The following NT5C2 variants were observed in gnomAD, a reference collection of about 807,000 sequenced individuals.
NT5C2 encodes the protein 5'-nucleotidase, cytosolic II.
A neutral mutation model predicts 76.1 loss-of-function variants in NT5C2; 58 were observed. The observed-to-expected ratio is 0.76, with a 90% CI of 0.62 to 0.95. The LOEUF is 0.95. Ranked by LOEUF, NT5C2 falls within the 40% of genes least tolerant of loss-of-function variation. The probability of loss-of-function intolerance (pLI) is 0.00; values close to 1 mark genes in which losing one functional copy is unlikely to be tolerated. For missense variants in NT5C2, 478 were observed against 690.3 expected (o/e 0.69, Z 3.45); for synonymous variants, 229 against 237.4 (o/e 0.96, Z 0.32).
At chr10:103,094,778 AG>A (rs1420187465) in intron 12 of NT5C2, among the ~76,000 whole-genome samples, 2 of 151,410 alleles carry the variant, frequency 1.3e-5, no homozygotes, top group Non-Finnish European at 2.9e-5. Context: ...GCTACTTGGG[AG>A]GCTGAGGCTC....
rs1247558433 is a variant in NT5C2 at position 103,089,740 on chromosome 10, C to T, written c.1618G>A (p.Ala540Thr). 6.2e-7 allele frequency: 1 copy of T among 1,613,562 alleles called. No individual in the cohort carries two copies. Among genetic ancestry groups the T allele is most frequent in the Non-Finnish European group, 8.5e-7 (1 of 1,179,834 alleles). The change falls in exon 19 of 19, where the codon GCC becomes ACC. Residue 540 changes from alanine (A) to threonine (T), a missense_variant. Coordinates refer to ENST00000404739, the MANE Select transcript of NT5C2 (RefSeq NM_001351169.2). ...TGGCAGTGTGTAATTTCCTGGGGGG[C>T]CAGTGGGAAGAGGTTGGGAGGTTTA... ...EIKPPNLFPL[A>T]PQEITHCHDE...
chr10:103,091,183 G>A (rs1026412257), intron 16 of NT5C2, among the ~76,000 whole-genome samples, 187 bp from the exon 17 acceptor site: 2 of 152,150 alleles, frequency 1.3e-5, no homozygotes, highest in Non-Finnish European at 1.5e-5. Flanking sequence ...TTACAGGCAT[G>A]TGCCACCACA....
chr10:103,093,249 C>T lies in NT5C2; in HGVS notation c.1049G>A (p.Gly350Glu). The T allele has an allele frequency of 6.2e-7, 1 of 1,611,290 alleles. No homozygotes were observed. Among genetic ancestry groups the T allele is most frequent in the South Asian group, 1.1e-5 (1 of 90,150 alleles). Residue 350 changes from glycine to glutamate, a missense_variant, in exon 15 of 19, where the codon GGA (glycine) becomes GAA (glutamate). Coordinates refer to ENST00000404739, the MANE Select transcript of NT5C2 (RefSeq NM_001351169.2). ...GAKGKDILYI[G>E]DHIFGDILKS... is the part of the protein sequence containing the mutation. ...TAAAATGTCCCCAAAAATGTGATCT[C>T]CAATATACAAAATGTCTTTTCCCTT... is the stretch of plus-strand genomic sequence containing the variant.
chr10:103,105,605 T>C, intron 6 of NT5C2, 101 bp downstream of exon 6: 2 of 828,286 alleles, frequency 2.4e-6, no homozygotes, highest in African/African-American at 1.7e-5. Flanking sequence ...TCTTTAATGA[T>C]GAAAAGTAAT....
At chr10:103,152,535 T>C (rs1329970378) in intron 3 of NT5C2, among the ~76,000 whole-genome samples, 1 of 152,156 alleles carries the variant, frequency 6.6e-6, no homozygotes, top group Non-Finnish European at 1.5e-5. Context: ...AGAAAGATAA[T>C]TAATAGATTC....
chr10:103,169,849 A>C (rs948285708), intron 3 of NT5C2, among the ~76,000 whole-genome samples: 1 of 151,828 alleles, frequency 6.6e-6, no homozygotes, highest in African/African-American at 2.4e-5. Flanking sequence ...AAGCATGGCT[A>C]GGCATGGTGG....
At chr10:103,163,711 A>T (rs909036001) in intron 3 of NT5C2, among the ~76,000 whole-genome samples, 3 of 66,256 alleles carry the variant, frequency 4.5e-5, no homozygotes, top group Admixed American at 2.7e-4. Flanking sequence ...CTAAAAACTT[A>T]AAAAAAAAAA....
At chr10:103,154,653 A>C (rs528712726) in intron 3 of NT5C2, among the ~76,000 whole-genome samples, 2 of 152,210 alleles carry the variant, frequency 1.3e-5, no homozygotes, top group Admixed American at 6.5e-5. Context: ...GTCACATGTA[A>C]GCGCTCCAAG....
chr10:103,193,012 C>A (rs1374228081), intron 1 of NT5C2, among the ~76,000 whole-genome samples: 1 of 149,576 alleles, frequency 6.7e-6, no homozygotes, highest in African/African-American at 2.5e-5. Flanking sequence ...TGCCGTGGGG[C>A]GGGGGCCGCA....
intron 4 of NT5C2, among the ~76,000 whole-genome samples, chr10:103,129,782 G>A (rs1319827927): frequency 9.1e-6 from 1 of 109,382 alleles, no homozygotes; most frequent in South Asian, 3.3e-4. Flanking sequence ...CCGGCCAGCC[G>A]CCCCGTCCGG....
At chr10:103,096,215 T>C (rs1301935895) in intron 11 of NT5C2, among the ~76,000 whole-genome samples, 1 of 152,208 alleles carries the variant, frequency 6.6e-6, no homozygotes, top group Non-Finnish European at 1.5e-5. Context: ...ATACTTCCTC[T>C]GGAAGATGTT....
intron 1 of NT5C2, among the ~76,000 whole-genome samples, chr10:103,182,174 G>C (rs1424194393): frequency 6.6e-6 from 1 of 152,150 alleles, no homozygotes; most frequent in Non-Finnish European, 1.5e-5. Context: ...GGAATAAAGT[G>C]AGGAGCACTT....
chr10:103,125,272 G>T, intron 4 of NT5C2: 1 of 656,988 alleles, frequency 1.5e-6, no homozygotes, highest in Non-Finnish European at 2.7e-6. Flanking sequence ...ATTCGCCAAT[G>T]GAACCATGCT....
intron 3 of NT5C2, among the ~76,000 whole-genome samples, chr10:103,167,680 G>C (rs2086764574): frequency 6.6e-6 from 1 of 151,902 alleles, no homozygotes; most frequent in Non-Finnish European, 1.5e-5. Flanking sequence ...CACCTAGGCT[G>C]AAGTGCAGTG....
At chr10:103,108,102 C>A (rs1432781854) in intron 4 of NT5C2, among the ~76,000 whole-genome samples, 3 of 152,014 alleles carry the variant, frequency 2.0e-5, no homozygotes, top group Non-Finnish European at 4.4e-5. Flanking sequence ...CTGCAGTGAG[C>A]CGAGACCGTG....
chr10:103,192,697 C>T (rs531486566), intron 1 of NT5C2, among the ~76,000 whole-genome samples: 1 of 152,178 alleles, frequency 6.6e-6, no homozygotes, highest in Admixed American at 6.5e-5. Flanking sequence ...GTCAACCTGG[C>T]GCTCCACCAG....
At chr10:103,192,985 G>A (rs1172740442) in intron 1 of NT5C2, among the ~76,000 whole-genome samples, 1 of 152,042 alleles carries the variant, frequency 6.6e-6, no homozygotes, top group African/African-American at 2.4e-5. Flanking sequence ...GCGTCGCGGC[G>A]GCGCGGAGGA....
At position 103,093,994 on chromosome 10, in the gene NT5C2, C is replaced by A. The variant is rs2134701177; in HGVS notation, c.966G>T (p.Gln322His). 6.2e-7 allele frequency: 1 copy of A among 1,613,708 alleles called. No homozygotes were observed. The highest frequency in any genetic ancestry group is 8.5e-7 in the Non-Finnish European group (1 of 1,179,666). Residue 322 changes from glutamine (Q) to histidine (H), a missense_variant, in exon 14 of 19, where the codon CAG becomes CAT. By Grantham distance (24) the Gln-to-His change is conservative. Transcript: ENST00000404739. ...TACCTCCTGAGTAGACGATACCATG[C>A]TGTAGGGGCCCTGTGTAGGTACCAA... Reference protein sequence around the residue: ...LKIGTYTGPLQHGIVYSGGSS... With the variant: ...LKIGTYTGPLHHGIVYSGGSS...
chr10:103,172,634 A>G (rs1394240472), intron 3 of NT5C2, among the ~76,000 whole-genome samples: 3 of 152,032 alleles, frequency 2.0e-5, no homozygotes, highest in African/African-American at 7.2e-5. Flanking sequence ...CCAGGAGTTC[A>G]AGACCAGCCT....
Sources: gnomAD v4.1 joint callset for allele counts (sites outside exome capture counted in the v4.1 genomes callset) on GRCh38, gnomAD v4.1.1 for gene constraint, MANE v1.5 for transcripts, NCBI Gene and HGNC (gene_info 2026-07-23, HGNC 2026-07-21) for gene names.